The following CLEC16A variants were observed in gnomAD, a reference collection of about 807,000 sequenced individuals.
CLEC16A encodes protein CLEC16A.
A neutral mutation model predicts 109.5 loss-of-function variants in CLEC16A; 51 were observed. That is an observed-to-expected ratio of 0.47 (90% CI 0.37 to 0.59). The LOEUF (loss-of-function observed/expected upper bound fraction) is 0.59. Ranked by LOEUF, CLEC16A falls within the 20% of genes least tolerant of loss-of-function variation. The probability of loss-of-function intolerance (pLI) is 0.00; values close to 1 mark genes in which losing one functional copy is unlikely to be tolerated. For synonymous variants in CLEC16A, 673 were observed against 564.2 expected (o/e 1.19, Z -2.73); for missense variants, 1,339 against 1,394.0 (o/e 0.96, Z 0.63).
At chr16:11,162,705 G>A (rs1317161565) in intron 22 of CLEC16A, among the ~76,000 whole-genome samples, 4 of 152,160 alleles carry the variant, frequency 2.6e-5, no homozygotes, top group Non-Finnish European at 5.9e-5. Flanking sequence ...TCTTACCAGC[G>A]TGTTGGTTGG....
chr16:10,953,703 G>A (rs980842769), intron 1 of CLEC16A, among the ~76,000 whole-genome samples: 15 of 152,312 alleles, frequency 9.8e-5, no homozygotes, highest in African/African-American at 3.1e-4. Context: ...CAGGCTAGGC[G>A]CGGTGGCTCA....
At chr16:10,983,424 G>T (rs1334565759) in intron 10 of CLEC16A, among the ~76,000 whole-genome samples, 2 of 152,248 alleles carry the variant, frequency 1.3e-5, no homozygotes, top group Non-Finnish European at 2.9e-5. Flanking sequence ...AGCAGCTCCT[G>T]TTCTACCCCA....
At chr16:11,152,119 C>T (rs1252351630) in intron 22 of CLEC16A, among the ~76,000 whole-genome samples, 1 of 152,142 alleles carries the variant, frequency 6.6e-6, no homozygotes, top group African/African-American at 2.4e-5. Context: ...GCACAGAGAC[C>T]AGAGAGCAAG....
In CLEC16A at chr16:11,139,330, T is replaced by C. The variant is rs571452633; in HGVS notation, c.2641+13184T>C. 4.6e-5 allele frequency among the ~76,000 whole-genome samples: 7 copies of C among 152,378 alleles called. No individual in the cohort carries two copies. The South Asian group carries it at 1.4e-3, about 32-fold the overall frequency. On this transcript the variant is annotated intron_variant, in intron 22 of 23. Transcript: ENST00000409790. ...CACCTCTGCTGAGGTTACAGCTTTC[T>C]ACACTTCTTTTCTCTCTATAACCAG...
chr16:10,956,448 A>G (rs909650893), intron 1 of CLEC16A, among the ~76,000 whole-genome samples: 47 of 152,134 alleles, frequency 3.1e-4, no homozygotes, highest in Non-Finnish European at 1.5e-5. Flanking sequence ...TGAAAACTGA[A>G]GTTAGCCATA....
At chr16:11,073,473 G>A (rs1037717600) in intron 19 of CLEC16A, among the ~76,000 whole-genome samples, 15 of 152,054 alleles carry the variant, frequency 9.9e-5, no homozygotes, top group East Asian at 3.9e-4. Flanking sequence ...ATGGCCTTGC[G>A]CCACGCTGCT....
chr16:11,116,754 C>A (rs560856878), intron 19 of CLEC16A, among the ~76,000 whole-genome samples: 1 of 152,172 alleles, frequency 6.6e-6, no homozygotes, highest in African/African-American at 2.4e-5. Context: ...AAAATTGATA[C>A]CACCCATGTT....
chr16:11,157,537 C>A (rs1048552005), intron 22 of CLEC16A, among the ~76,000 whole-genome samples: 1 of 152,248 alleles, frequency 6.6e-6, no homozygotes, highest in Non-Finnish European at 1.5e-5. Flanking sequence ...CTTTCCCAAA[C>A]TTCAGGGTCC....
chr16:11,018,215 C>T (rs549330463), intron 11 of CLEC16A, among the ~76,000 whole-genome samples: 1 of 146,382 alleles, frequency 6.8e-6, no homozygotes, highest in East Asian at 2.0e-4. Context: ...CCCAGGTGGT[C>T]AAGGCTACAG....
chr16:10,996,820 C>T (rs1158975575), intron 10 of CLEC16A, among the ~76,000 whole-genome samples: 2 of 152,194 alleles, frequency 1.3e-5, no homozygotes, highest in African/African-American at 2.4e-5. Flanking sequence ...CTGTGGCTTC[C>T]TGCGCTTACC....
At chr16:11,127,707 A>T (rs560409006) in intron 22 of CLEC16A, among the ~76,000 whole-genome samples, 1 of 152,238 alleles carries the variant, frequency 6.6e-6, no homozygotes, top group African/African-American at 2.4e-5. Flanking sequence ...CGTGTCTAGT[A>T]TAAATAAAAA....
intron 19 of CLEC16A, among the ~76,000 whole-genome samples, chr16:11,089,282 G>A (rs1313368843): frequency 6.6e-6 from 1 of 152,174 alleles, no homozygotes; most frequent in Non-Finnish European, 1.5e-5. Context: ...TTTAAAGTGG[G>A]GTTTTCCTGC....
chr16:11,095,965 C>T (rs569286005), intron 19 of CLEC16A, among the ~76,000 whole-genome samples: 5 of 152,144 alleles, frequency 3.3e-5, no homozygotes, highest in African/African-American at 1.2e-4. Context: ...GCTAGGACTG[C>T]AGGTGCACAC....
chr16:11,162,519 A>G lies in CLEC16A; in HGVS notation c.2642-3869A>G, dbSNP rs7205957. Among the ~76,000 whole-genome samples the G allele has an allele frequency of 1.6e-3, 251 of 152,360 alleles. 1 individual carries two copies. The highest frequency in any genetic ancestry group is 5.5e-3 in the African/African-American group (228 of 41,586). On this transcript the variant is annotated intron_variant, in intron 22 of 23. Transcript: ENST00000409790. Reference sequence around the variant, plus strand: ...AAAAAATAACAAAACTCACTGCAGTACAACTACCTGCTTCTCTCACTGTGT... The same window carrying G: ...AAAAAATAACAAAACTCACTGCAGTGCAACTACCTGCTTCTCTCACTGTGT...
At chr16:11,155,941 G>A (rs1187037038) in intron 22 of CLEC16A, among the ~76,000 whole-genome samples, 2 of 152,180 alleles carry the variant, frequency 1.3e-5, no homozygotes, top group African/African-American at 4.8e-5. Context: ...TTTGTACAGT[G>A]CCACCTCCTA....
chr16:11,135,627 T>G (rs968964469), intron 22 of CLEC16A, among the ~76,000 whole-genome samples: 9 of 152,244 alleles, frequency 5.9e-5, no homozygotes, highest in African/African-American at 2.2e-4. Context: ...CATAAGAGTG[T>G]GTCAGATGGC....
chr16:11,088,844 G>A (rs376326867), intron 19 of CLEC16A, among the ~76,000 whole-genome samples: 85 of 152,282 alleles, frequency 5.6e-4, no homozygotes, highest in African/African-American at 1.9e-3. Context: ...TAGTAATTTC[G>A]GGTTTTCCTT....
chr16:11,011,959 G>C (rs1395257098), intron 11 of CLEC16A, among the ~76,000 whole-genome samples: 1 of 151,948 alleles, frequency 6.6e-6, no homozygotes, highest in Non-Finnish European at 1.5e-5. Flanking sequence ...CTTCAGAATT[G>C]CTTCACTTAG....
intron 23 of CLEC16A, among the ~76,000 whole-genome samples, chr16:11,170,512 G>T (rs1040938900): frequency 6.6e-6 from 1 of 152,158 alleles, no homozygotes; most frequent in Non-Finnish European, 1.5e-5. Flanking sequence ...TCACCTTCCC[G>T]TGGGGACCTC....
Sources: allele counts gnomAD v4.1 joint callset (sites outside exome capture counted in the v4.1 genomes callset), GRCh38; gene constraint gnomAD v4.1.1; transcripts MANE v1.5; gene names NCBI Gene and HGNC (gene_info 2026-07-23, HGNC 2026-07-21).